The following HIP1 variants were observed in gnomAD, a reference collection of about 807,000 sequenced individuals.
The protein encoded by HIP1 is huntingtin-interacting protein 1.
A neutral mutation model predicts 147.6 loss-of-function variants in HIP1; 65 were observed. The observed-to-expected ratio is 0.44, with a 90% confidence interval of 0.36 to 0.54. The LOEUF (loss-of-function observed/expected upper bound fraction) is 0.54, where lower values mean the gene tolerates loss of function less well. Ranked by LOEUF, HIP1 falls within the 20% of genes least tolerant of loss-of-function variation. The pLI is 0.00. For synonymous variants in HIP1, 479 were observed against 504.0 expected (o/e 0.95, Z 0.67); for missense variants, 1,061 against 1,299.6 (o/e 0.82, Z 2.82).
intron 2 of HIP1, among the ~76,000 whole-genome samples, chr7:75,598,816 G>A (rs782585312): frequency 5.3e-5 from 8 of 151,896 alleles, no homozygotes; most frequent in Non-Finnish European, 1.0e-4. Context: ...AGAGGATTGC[G>A]TGAACCCAGG....
At chr7:75,623,441 G>A (rs1797926600) in intron 1 of HIP1, among the ~76,000 whole-genome samples, 1 of 152,178 alleles carries the variant, frequency 6.6e-6, no homozygotes, top group African/African-American at 2.4e-5. Context: ...TGGCAGGGAT[G>A]GGAATGGGGC....
At chr7:75,597,932 TCCTGCA>T in intron 2 of HIP1, among the ~76,000 whole-genome samples, 1 of 152,152 alleles carries the variant, frequency 6.6e-6, no homozygotes, top group South Asian at 2.1e-4. Flanking sequence ...GCCAGCATGG[TCCTGCA>T]CCTCTCTACA....
intron 1 of HIP1, among the ~76,000 whole-genome samples, chr7:75,667,163 A>G (rs1799588935): frequency 6.6e-6 from 1 of 152,128 alleles, no homozygotes; most frequent in African/African-American, 2.4e-5. Context: ...TAAAATAGCC[A>G]CTGGGATGGG....
At chr7:75,632,996 G>A (rs1798285332) in intron 1 of HIP1, among the ~76,000 whole-genome samples, 1 of 152,088 alleles carries the variant, frequency 6.6e-6, no homozygotes, top group South Asian at 2.1e-4. Context: ...ATGCACACTG[G>A]GGTCTGTCAG....
intron 1 of HIP1, among the ~76,000 whole-genome samples, chr7:75,650,075 A>G (rs1798922724): frequency 6.6e-6 from 1 of 152,126 alleles, no homozygotes. Flanking sequence ...ACCCCCTAAG[A>G]AAAACACCTG....
At chr7:75,665,253 C>A (rs1799520109) in intron 1 of HIP1, among the ~76,000 whole-genome samples, 1 of 151,942 alleles carries the variant, frequency 6.6e-6, no homozygotes, top group Admixed American at 6.6e-5. Context: ...CAGAGCAAGA[C>A]CCTATCTCTA....
In HIP1 at chr7:75,738,785, G is replaced by A. The variant is rs1227779084; in HGVS notation, c.120+16C>T. 8.8e-6 allele frequency: 14 copies of A among 1,598,940 alleles called. No individual in the cohort carries two copies. The highest frequency in any genetic ancestry group is 1.1e-5 in the South Asian group (1 of 88,772). ...TCAGGGTGCCCCAGGGATGCCCCGG[G>A]GTCCCCCGTCCTCACCTGAGTCCGC... On this transcript the variant is annotated intron_variant, in intron 1 of 30. Coordinates refer to ENST00000336926, the MANE Select transcript of HIP1 (RefSeq NM_005338.7).
At chr7:75,732,344 C>T (rs1350276344) in intron 1 of HIP1, among the ~76,000 whole-genome samples, 2 of 152,002 alleles carry the variant, frequency 1.3e-5, no homozygotes, top group Admixed American at 6.6e-5. Context: ...CGCTATCCAC[C>T]GACTTTTTTT....
intron 8 of HIP1, among the ~76,000 whole-genome samples, chr7:75,569,682 G>T (rs1366414557): frequency 6.6e-6 from 1 of 152,114 alleles, no homozygotes. Flanking sequence ...TGACCTAAAT[G>T]ATCTTTCTCC....
intron 4 of HIP1, among the ~76,000 whole-genome samples, chr7:75,591,545 C>CT (rs1554500755): frequency 6.6e-6 from 1 of 151,970 alleles, no homozygotes; most frequent in Admixed American, 6.6e-5. Context: ...AATTCTAATT[C>CT]TCAATGCACT....
At chr7:75,573,080 C>T (rs1795707279) in intron 8 of HIP1, among the ~76,000 whole-genome samples, 1 of 152,202 alleles carries the variant, frequency 6.6e-6, no homozygotes, top group Non-Finnish European at 1.5e-5. Context: ...ATCCCACAGA[C>T]CGGAGTGGGA....
chr7:75,684,603 A>T (rs147395150), intron 1 of HIP1, among the ~76,000 whole-genome samples: 121 of 152,270 alleles, frequency 7.9e-4, no homozygotes, highest in African/African-American at 2.8e-3. Context: ...CATGTTGATT[A>T]AACATAAACC....
intron 22 of HIP1, 111 bp from the exon 23 acceptor site, chr7:75,549,112 T>C: frequency 1.4e-6 from 1 of 732,834 alleles, no homozygotes; most frequent in Non-Finnish European, 2.4e-6. Context: ...AGCAAACACC[T>C]TCTGCAAGCC....
At chr7:75,651,123 C>T (rs1357964186) in intron 1 of HIP1, among the ~76,000 whole-genome samples, 1 of 151,704 alleles carries the variant, frequency 6.6e-6, no homozygotes, top group African/African-American at 2.4e-5. Flanking sequence ...GAGGGAGGGG[C>T]ATGGGGGGAC....
intron 19 of HIP1, 112 bp from the exon 20 acceptor site, chr7:75,554,638 G>T: frequency 4.2e-6 from 3 of 715,520 alleles, no homozygotes; most frequent in Non-Finnish European, 7.4e-6. Flanking sequence ...TTCCTGCCTA[G>T]ACGTGAAGTT....
At chr7:75,679,562 T>A (rs1554516544) in intron 1 of HIP1, among the ~76,000 whole-genome samples, 1 of 152,186 alleles carries the variant, frequency 6.6e-6, no homozygotes, top group African/African-American at 2.4e-5. Context: ...TCTGGTTAGT[T>A]CCCATCTAAC....
chr7:75,632,360 G>A (rs1467795400), intron 1 of HIP1, among the ~76,000 whole-genome samples: 5 of 152,048 alleles, frequency 3.3e-5, no homozygotes, highest in Admixed American at 1.3e-4. Flanking sequence ...GATCAGTGAC[G>A]ATGAAAGATA....
chr7:75,637,568 G>C (rs1308390671), intron 1 of HIP1, among the ~76,000 whole-genome samples: 1 of 84,246 alleles, frequency 1.2e-5, no homozygotes, highest in Non-Finnish European at 3.1e-5. Context: ...TTTTTTGAGA[G>C]GGAGTTCTAA....
rs1794629378 is a variant in HIP1, at chr7:75,547,819, A to G, written c.2407-6T>C. 1 of 1,612,954 alleles carries G rather than the reference A, an allele frequency of 6.2e-7. No individual in the cohort carries two copies. On this transcript the variant is annotated splice_region_variant and splice_polypyrimidine_tract_variant and intron_variant, in intron 23 of 30. Coordinates refer to ENST00000336926, the MANE Select transcript of HIP1 (RefSeq NM_005338.7). ...CGGGATTTGCTGAGCATCTCCTGTG[A>G]AAAAGAAGCATGGTTTCTAAATGTG...
Sources: allele counts gnomAD v4.1 joint callset (sites outside exome capture counted in the v4.1 genomes callset), GRCh38; gene constraint gnomAD v4.1.1; transcripts MANE v1.5; gene names NCBI Gene and HGNC (gene_info 2026-07-23, HGNC 2026-07-21).